Variants in PDS5A observed in about 807,000 individuals in gnomAD.
The protein encoded by PDS5A is sister chromatid cohesion protein PDS5 homolog A.
PDS5A carries 42 observed loss-of-function variants against 167.1 expected under a neutral mutation model. The observed-to-expected ratio is 0.25, with a 90% confidence interval of 0.20 to 0.33. The LOEUF (loss-of-function observed/expected upper bound fraction) is 0.33. Ranked by LOEUF, PDS5A falls within the 10% of genes least tolerant of loss-of-function variation. PDS5A has a pLI of 1.00. For missense variants in PDS5A, 1,033 were observed against 1,605.9 expected (o/e 0.64, Z 6.10); for synonymous variants, 553 against 554.6 (o/e 1.00, Z 0.04).
At chr4:39,960,125 C>G (rs1041280639) in intron 2 of PDS5A, among the ~76,000 whole-genome samples, 1 of 151,776 alleles carries the variant, frequency 6.6e-6, no homozygotes, top group Non-Finnish European at 1.5e-5. Context: ...CAAAAAGTAG[C>G]TGGGCGTGGT....
intron 2 of PDS5A, among the ~76,000 whole-genome samples, chr4:39,935,426 A>G (rs1726504379): frequency 6.6e-6 from 1 of 152,180 alleles, no homozygotes; most frequent in Admixed American, 6.5e-5. Context: ...AAAGTTTTAT[A>G]GTTTTAGGTT....
At chr4:39,877,757 A>G (rs1215246985) in intron 18 of PDS5A, among the ~76,000 whole-genome samples, 1 of 152,008 alleles carries the variant, frequency 6.6e-6, no homozygotes, top group African/African-American at 2.4e-5. Flanking sequence ...CAGGTGCACC[A>G]CCATGCCCGG....
At chr4:39,930,245 A>T (rs1725899646) in intron 2 of PDS5A, among the ~76,000 whole-genome samples, 4 of 116,244 alleles carry the variant, frequency 3.4e-5, no homozygotes, top group East Asian at 3.5e-4. Flanking sequence ...AAAAAAAAAA[A>T]AGTTTTTTTG....
chr4:39,974,841 T>G (rs1392625099), intron 2 of PDS5A, among the ~76,000 whole-genome samples: 1 of 152,158 alleles, frequency 6.6e-6, no homozygotes, highest in Non-Finnish European at 1.5e-5. Flanking sequence ...CTGGGAGCAG[T>G]GGCTCACACC....
intron 11 of PDS5A, among the ~76,000 whole-genome samples, chr4:39,906,376 A>G (rs1485784127): frequency 6.6e-6 from 1 of 152,086 alleles, no homozygotes; most frequent in Non-Finnish European, 1.5e-5. Flanking sequence ...TCAAACAAAA[A>G]AAAAAAACCT....
At chr4:39,970,866 C>A (rs1429991950) in intron 2 of PDS5A, among the ~76,000 whole-genome samples, 2 of 133,892 alleles carry the variant, frequency 1.5e-5, no homozygotes, top group Non-Finnish European at 3.1e-5. Context: ...GGTAGGATCA[C>A]GGTTCACTGC....
intron 23 of PDS5A, among the ~76,000 whole-genome samples, chr4:39,866,112 TTTTA>T (rs969434428): frequency 1.6e-4 from 24 of 152,240 alleles, no homozygotes; most frequent in African/African-American, 4.1e-4. Context: ...CAATTTTTAT[TTTTA>T]TTTATTTATT....
At chr4:39,966,297 C>T (rs1729959296) in intron 2 of PDS5A, among the ~76,000 whole-genome samples, 1 of 152,078 alleles carries the variant, frequency 6.6e-6, no homozygotes, top group South Asian at 2.1e-4. Flanking sequence ...TAATTACAAC[C>T]AAACCAGTAC....
intron 7 of PDS5A, among the ~76,000 whole-genome samples, 177 bp downstream of exon 7, chr4:39,920,142 C>T (rs1277479016): frequency 6.6e-6 from 1 of 152,088 alleles, no homozygotes; most frequent in Non-Finnish European, 1.5e-5. Flanking sequence ...ATAGTAATAT[C>T]CACCCTTTAA....
At chr4:39,929,320 G>C (rs377241719) in intron 2 of PDS5A, among the ~76,000 whole-genome samples, 2 of 151,500 alleles carry the variant, frequency 1.3e-5, no homozygotes, top group South Asian at 2.1e-4. Context: ...AGCTTCCATC[G>C]AATATAAAGT....
chr4:39,919,775 AAAAC>A (rs1309499107), intron 7 of PDS5A, among the ~76,000 whole-genome samples: 2 of 152,230 alleles, frequency 1.3e-5, no homozygotes, highest in Non-Finnish European at 2.9e-5. Context: ...TTTTTTAGGA[AAAAC>A]AAACCCAGAA....
chr4:39,825,577 C>A, intron 32 of PDS5A, 89 bp from the exon 33 acceptor site: 92 of 871,506 alleles, frequency 1.1e-4, no homozygotes, highest in Non-Finnish European at 1.5e-4. Flanking sequence ...TAGTTGTTAT[C>A]TAAAATCTTT....
intron 2 of PDS5A, among the ~76,000 whole-genome samples, chr4:39,967,683 G>A (rs533661630): frequency 6.6e-6 from 1 of 151,266 alleles, no homozygotes; most frequent in Non-Finnish European, 1.5e-5. Context: ...AAAAAGGCCA[G>A]GCACAGTGGC....
intron 2 of PDS5A, among the ~76,000 whole-genome samples, chr4:39,966,416 G>A (rs1007131890): frequency 2.0e-5 from 3 of 152,120 alleles, no homozygotes; most frequent in African/African-American, 7.2e-5. Context: ...ATGGCCCTAC[G>A]TTAATATCAA....
At chr4:39,835,573 AGTGT>A (rs1716310299) in intron 32 of PDS5A, among the ~76,000 whole-genome samples, 1 of 151,980 alleles carries the variant, frequency 6.6e-6, no homozygotes, top group Non-Finnish European at 1.5e-5. Context: ...CCCAGGCTGG[AGTGT>A]AGTGGCCGGA....
chr4:39,918,209 A>G (rs1166308309), intron 7 of PDS5A, among the ~76,000 whole-genome samples: 1 of 150,228 alleles, frequency 6.7e-6, no homozygotes, highest in Admixed American at 6.6e-5. Context: ...AAACAGAATA[A>G]TTTTTCCATG....
intron 16 of PDS5A, among the ~76,000 whole-genome samples, chr4:39,895,099 A>T (rs1696247528): frequency 1.3e-5 from 2 of 149,164 alleles, no homozygotes; most frequent in Non-Finnish European, 3.0e-5. Flanking sequence ...AGGTGGCAGG[A>T]GCCTGTAGTC....
At chr4:39,944,712 C>A (rs79729248) in intron 2 of PDS5A, among the ~76,000 whole-genome samples, 17,247 of 130,158 alleles carry the variant, frequency 0.13, 1,234 homozygotes, top group African/African-American at 0.22. Flanking sequence ...AAAAAAAAAA[C>A]AAAAAGCTGA....
At chr4:39,849,690 G>C (rs940227597) in intron 26 of PDS5A, 38 bp from the exon 27 acceptor site, 2 of 1,495,682 alleles carry the variant, frequency 1.3e-6, no homozygotes, top group Non-Finnish European at 1.8e-6. Context: ...GACGTAGATA[G>C]ATGCTTTAGC....
Sources: gnomAD v4.1 joint callset for allele counts (sites outside exome capture counted in the v4.1 genomes callset) on GRCh38, gnomAD v4.1.1 for gene constraint, MANE v1.5 for transcripts, NCBI Gene and HGNC (gene_info 2026-07-23, HGNC 2026-07-21) for gene names.